The following SNTG1 variants were observed in gnomAD, a reference collection of about 807,000 sequenced individuals.
SNTG1 encodes syntrophin gamma 1.
A neutral mutation model predicts 74.7 loss-of-function variants in SNTG1; 39 were observed. That is an observed-to-expected ratio of 0.52 (90% CI 0.40 to 0.68). The LOEUF is 0.68. Ranked by LOEUF, SNTG1 falls within the 30% of genes least tolerant of loss-of-function variation. SNTG1 has a pLI of 0.00. For missense variants in SNTG1, 685 were observed against 609.5 expected (o/e 1.12, Z -1.30); for synonymous variants, 254 against 217.1 (o/e 1.17, Z -1.49).
Position 50,792,671 on chromosome 8 carries a change from G to T in SNTG1, c.1396G>T (p.Glu466Ter). ...NPDTKQIEAK[E>*]LEFSNLFAVL... ...TGACCTGTTTCTCTTTCCCTTTCAG[G>T]AGTTGGAATTTTCTAATTTATTTGC... Residue 466 changes from glutamate to a stop codon, truncating the protein, a stop_gained and splice_region_variant, in exon 19 of 19, where the codon GAG becomes TAG. Coordinates refer to ENST00000642720, the MANE Select transcript of SNTG1 (RefSeq NM_018967.5). LOFTEE classifies it high-confidence loss of function. 1 of 1,598,796 alleles carries T rather than the reference G, an allele frequency of 6.3e-7. No individual in the cohort carries two copies.
chr8:49,955,923 T>C (rs1810115568), intron 1 of SNTG1, among the ~76,000 whole-genome samples: 1 of 152,206 alleles, frequency 6.6e-6, no homozygotes, highest in African/African-American at 2.4e-5. Context: ...CTTGGCAAAA[T>C]AATTCTAGGA....
intron 13 of SNTG1, among the ~76,000 whole-genome samples, chr8:50,617,526 T>C (rs1054918128): frequency 3.3e-5 from 5 of 152,126 alleles, no homozygotes; most frequent in Non-Finnish European, 5.9e-5. Context: ...CCTTTCTTCA[T>C]TGTACTCTTG....
chr8:50,362,888 A>G (rs1025440750), intron 2 of SNTG1, among the ~76,000 whole-genome samples: 2 of 152,316 alleles, frequency 1.3e-5, no homozygotes, highest in East Asian at 3.9e-4. Flanking sequence ...CCATATAACT[A>G]TCACTGAAAT....
rs143237966 is a variant in SNTG1, at chr8:50,261,409, C to T, written c.-28+88774C>T. On this transcript the variant is annotated intron_variant, in intron 2 of 18. Transcript: ENST00000642720. ...TATCTTACAATGAATGTTAGTTCTT[C>T]GAAAAATAGGAAAATGGTATAGGTT... 2.4e-3 allele frequency among the ~76,000 whole-genome samples: 365 copies of T among 151,764 alleles called. 2 individuals carry two copies. The highest frequency in any genetic ancestry group is 8.1e-3 in the African/African-American group (337 of 41,388).
intron 2 of SNTG1, among the ~76,000 whole-genome samples, chr8:50,351,057 C>G (rs566726392): frequency 3.3e-5 from 5 of 152,334 alleles, no homozygotes; most frequent in African/African-American, 1.2e-4. Context: ...TCTGCAGCTT[C>G]ATTCTTGAAG....
At chr8:50,788,334 A>G (rs747481937) in intron 18 of SNTG1, among the ~76,000 whole-genome samples, 13 of 152,030 alleles carry the variant, frequency 8.6e-5, no homozygotes, top group Non-Finnish European at 1.9e-4. Flanking sequence ...CAGCAGTTTC[A>G]ATATTTTTTT....
At chr8:50,734,428 A>G (rs1463596859) in intron 17 of SNTG1, among the ~76,000 whole-genome samples, 1 of 151,456 alleles carries the variant, frequency 6.6e-6, no homozygotes, top group Non-Finnish European at 1.5e-5. Flanking sequence ...ATGAAATTCT[A>G]TATTAATTTA....
At chr8:49,967,451 T>C (rs993552) in intron 1 of SNTG1, among the ~76,000 whole-genome samples, 135,987 of 152,268 alleles carry the variant, frequency 0.89, 61,031 homozygotes, top group East Asian at 1. Flanking sequence ...CTTTGGTAGA[T>C]ACATTTGCTC....
intron 17 of SNTG1, among the ~76,000 whole-genome samples, chr8:50,741,952 A>G (rs1053815193): frequency 1.3e-5 from 2 of 152,018 alleles, no homozygotes; most frequent in African/African-American, 4.8e-5. Context: ...AAATGTTATT[A>G]CACATTTGTT....
intron 1 of SNTG1, among the ~76,000 whole-genome samples, chr8:49,993,206 G>A (rs1813851428): frequency 6.6e-6 from 1 of 152,104 alleles, no homozygotes; most frequent in African/African-American, 2.4e-5. Context: ...TGGGAGTACT[G>A]GCAGGTGCAA....
At chr8:50,690,487 C>A (rs930594710) in intron 15 of SNTG1, among the ~76,000 whole-genome samples, 11 of 151,992 alleles carry the variant, frequency 7.2e-5, no homozygotes, top group Non-Finnish European at 1.5e-4. Context: ...CTTTATTTCT[C>A]CCTTCCTTTC....
At chr8:50,275,900 T>C (rs1022678605) in intron 2 of SNTG1, among the ~76,000 whole-genome samples, 2 of 152,172 alleles carry the variant, frequency 1.3e-5, no homozygotes, top group African/African-American at 4.8e-5. Context: ...CTTGTTTCTC[T>C]TTGCTCTGGT....
At position 50,785,280 on chromosome 8, in the gene SNTG1, G is replaced by A. The variant is rs147713996; in HGVS notation, c.1396-7391G>A. Among the ~76,000 whole-genome samples, 646 of 151,730 alleles carry A rather than the reference G, an allele frequency of 4.3e-3. 5 individuals carry two copies. Among genetic ancestry groups the A allele is most frequent in the African/African-American group, 0.015 (623 of 41,464 alleles). On this transcript the variant is annotated intron_variant, in intron 18 of 18. Transcript: ENST00000642720. ...GTTTTTTAAAAAGGTTAACAAGAGT[G>A]ACAAAACTTTAACTAGATAACCAAA...
chr8:50,151,602 A>G (rs1586495741), intron 1 of SNTG1, among the ~76,000 whole-genome samples: 1 of 152,108 alleles, frequency 6.6e-6, no homozygotes, highest in East Asian at 1.9e-4. Flanking sequence ...AGATTCTGGT[A>G]TGTTTTGTCT....
intron 8 of SNTG1, chr8:50,490,830 T>A (rs1317342165): frequency 6.6e-6 from 1 of 152,570 alleles, no homozygotes; most frequent in Non-Finnish European, 1.5e-5. Flanking sequence ...TCCCACGTCC[T>A]GAGACTGCCT....
intron 2 of SNTG1, among the ~76,000 whole-genome samples, chr8:50,244,098 T>C (rs2086284630): frequency 6.6e-6 from 1 of 152,092 alleles, no homozygotes; most frequent in Non-Finnish European, 1.5e-5. Flanking sequence ...GAGCTTTTAC[T>C]CATAGCAGAA....
intron 11 of SNTG1, among the ~76,000 whole-genome samples, chr8:50,538,635 A>T (rs537300791): frequency 6.6e-6 from 1 of 152,062 alleles, no homozygotes; most frequent in South Asian, 2.1e-4. Context: ...GTTTCAGAAG[A>T]CTAATTATGA....
At chr8:50,461,053 T>C (rs1327384498) in intron 8 of SNTG1, among the ~76,000 whole-genome samples, 4 of 152,048 alleles carry the variant, frequency 2.6e-5, no homozygotes, top group Admixed American at 6.6e-5. Flanking sequence ...TTAGTAGTCA[T>C]GTCTCTTCAG....
chr8:50,428,708 A>G (rs80016224), intron 4 of SNTG1, among the ~76,000 whole-genome samples: 4,125 of 152,244 alleles, frequency 0.027, 75 homozygotes, highest in South Asian at 0.08. Context: ...ATCAAAGGGA[A>G]TGAAGCAAGA....
Sources: gnomAD v4.1 joint callset for allele counts (sites outside exome capture counted in the v4.1 genomes callset) on GRCh38, gnomAD v4.1.1 for gene constraint, MANE v1.5 for transcripts, NCBI Gene and HGNC (gene_info 2026-07-23, HGNC 2026-07-21) for gene names.